HDAC9: variants seen among roughly 807,000 people sequenced by gnomAD.
HDAC9 encodes histone deacetylase 9, also known as MEF-2 interacting transcription repressor (MITR) protein.
A neutral mutation model predicts 139.4 loss-of-function variants in HDAC9; 41 were observed. The observed-to-expected ratio is 0.29, with a 90% confidence interval of 0.23 to 0.38. The LOEUF is 0.38. Among genes scored for constraint, HDAC9 ranks in the 10% least tolerant of loss-of-function variants. HDAC9 has a pLI of 1.00. For missense variants in HDAC9, 1,147 were observed against 1,297.0 expected, an observed-to-expected ratio of 0.88 and a Z score of 1.78; for synonymous variants, 517 against 476.2, an observed-to-expected ratio of 1.09 and a Z score of -1.12.
At chr7:18,265,833 TG>T (rs1305496591) in intron 2 of HDAC9, among the ~76,000 whole-genome samples, 1 of 152,298 alleles carries the variant, frequency 6.6e-6, no homozygotes, top group Non-Finnish European at 1.5e-5. Context: ...GTTGAGAATA[TG>T]TGGAAAATTT....
chr7:18,338,220 A>T (rs948322931), intron 1 of HDAC9, among the ~76,000 whole-genome samples: 1 of 151,756 alleles, frequency 6.6e-6, no homozygotes, highest in African/African-American at 2.4e-5. Flanking sequence ...TTGAATATGC[A>T]GTAACAACTC....
intron 2 of HDAC9, chr7:18,543,102 A>C (rs897680890): frequency 6.6e-6 from 1 of 152,244 alleles, no homozygotes; most frequent in Admixed American, 6.5e-5. Flanking sequence ...GCACACATAA[A>C]CATACACCTT....
chr7:18,393,316 G>A (rs1340783843), intron 1 of HDAC9, among the ~76,000 whole-genome samples: 1 of 152,022 alleles, frequency 6.6e-6, no homozygotes, highest in Non-Finnish European at 1.5e-5. Context: ...ATGTATTTTG[G>A]AGGAGAGATA....
chr7:18,105,686 T>A (rs1330680521), intron 1 of HDAC9, among the ~76,000 whole-genome samples: 1 of 151,740 alleles, frequency 6.6e-6, no homozygotes, highest in East Asian at 1.9e-4. Context: ...ACAATTTTGG[T>A]AGTTCCTCAA....
At chr7:18,939,386 A>C (rs1781868988) in intron 23 of HDAC9, among the ~76,000 whole-genome samples, 1 of 152,208 alleles carries the variant, frequency 6.6e-6, no homozygotes, top group African/African-American at 2.4e-5. Context: ...AAGAAAAAGA[A>C]AGATTATTAA....
intron 2 of HDAC9, among the ~76,000 whole-genome samples, chr7:18,497,156 T>G (rs1797157492): frequency 6.6e-6 from 1 of 152,196 alleles, no homozygotes; most frequent in African/African-American, 2.4e-5. Flanking sequence ...CTTTCATATT[T>G]ATTTCCTATG....
intron 12 of HDAC9, among the ~76,000 whole-genome samples, chr7:18,706,878 G>A (rs1168510510): frequency 6.6e-6 from 1 of 152,186 alleles, no homozygotes; most frequent in African/African-American, 2.4e-5. Flanking sequence ...GATAGAGTTA[G>A]GTCGAGGGTG....
chr7:18,366,557 A>G (rs531666533), intron 1 of HDAC9, among the ~76,000 whole-genome samples: 71 of 152,218 alleles, frequency 4.7e-4, no homozygotes, highest in African/African-American at 1.6e-3. Context: ...ATATGGATAC[A>G]CTATAAAAGA....
intron 2 of HDAC9, among the ~76,000 whole-genome samples, chr7:18,545,786 A>G (rs1814595424): frequency 6.6e-6 from 1 of 152,200 alleles, no homozygotes; most frequent in Non-Finnish European, 1.5e-5. Flanking sequence ...CTGTAGTGTC[A>G]AGAGAATTAT....
chr7:18,708,711 G>C (rs555535410), intron 12 of HDAC9, among the ~76,000 whole-genome samples: 2 of 152,198 alleles, frequency 1.3e-5, no homozygotes, highest in East Asian at 3.9e-4. Context: ...AATATTGGAC[G>C]GCAAGATTCT....
At chr7:18,956,829 C>T (rs143726910) in intron 24 of HDAC9, among the ~76,000 whole-genome samples, 524 of 152,190 alleles carry the variant, frequency 3.4e-3, no homozygotes, top group African/African-American at 0.012. Context: ...CAATGAAAAT[C>T]AGGACTAGCT....
intron 1 of HDAC9, among the ~76,000 whole-genome samples, chr7:18,353,634 T>C (rs1394395511): frequency 6.6e-6 from 1 of 152,184 alleles, no homozygotes; most frequent in Non-Finnish European, 1.5e-5. Flanking sequence ...TTATTTGCTG[T>C]ATCTTGGGTA....
intron 2 of HDAC9, among the ~76,000 whole-genome samples, chr7:18,233,918 G>GT (rs954969357): frequency 8.4e-4 from 125 of 148,176 alleles, no homozygotes; most frequent in African/African-American, 1.4e-3. Flanking sequence ...GGTAAACCAA[G>GT]TTTTTTTTTT....
At chr7:18,499,774 G>A (rs1409211686) in intron 2 of HDAC9, among the ~76,000 whole-genome samples, 2 of 152,112 alleles carry the variant, frequency 1.3e-5, no homozygotes, top group African/African-American at 2.4e-5. Context: ...TTACTTTAGG[G>A]TATAAAAGAA....
At chr7:18,267,592 G>C (rs1796085697) in intron 2 of HDAC9, among the ~76,000 whole-genome samples, 1 of 152,048 alleles carries the variant, frequency 6.6e-6, no homozygotes, top group South Asian at 2.1e-4. Flanking sequence ...ATGCCATCTA[G>C]TTTTGTCCAT....
At chr7:18,590,596 G>A in intron 4 of HDAC9, 110 bp downstream of exon 4, 1 of 1,105,684 alleles carries the variant, frequency 9.0e-7, no homozygotes, top group Non-Finnish European at 1.3e-6. Context: ...AATTATCTGT[G>A]TTTAATTAAA....
At chr7:18,793,304 T>A (rs1336247270) in intron 16 of HDAC9, 41 bp from the exon 17 acceptor site, 1 of 1,379,442 alleles carries the variant, frequency 7.2e-7, no homozygotes, top group African/African-American at 1.4e-5. Context: ...TCTCTTTCGC[T>A]TTCTTCTTCT....
intron 24 of HDAC9, among the ~76,000 whole-genome samples, chr7:18,961,914 C>T (rs1057093159): frequency 1.3e-5 from 2 of 152,068 alleles, no homozygotes; most frequent in South Asian, 4.2e-4. Flanking sequence ...ATTCCTTTTG[C>T]AATTTTTGGG....
At chr7:18,273,729 A>C (rs1177769641) in intron 2 of HDAC9, among the ~76,000 whole-genome samples, 4 of 152,194 alleles carry the variant, frequency 2.6e-5, no homozygotes, top group Non-Finnish European at 5.9e-5. Context: ...CATTAAATAT[A>C]ACAAAGAATT....
Sources: allele counts gnomAD v4.1 joint callset (sites outside exome capture counted in the v4.1 genomes callset), GRCh38; gene constraint gnomAD v4.1.1; transcripts MANE v1.5; gene names NCBI Gene and HGNC (gene_info 2026-07-23, HGNC 2026-07-21).